Variants in IGF1R observed in about 807,000 individuals in gnomAD.
IGF1R encodes the protein insulin-like growth factor 1 receptor.
IGF1R carries 44 observed loss-of-function variants against 144.6 expected under a neutral mutation model. The ratio of observed to expected loss-of-function variants is 0.30; its 90% CI spans 0.24 to 0.39. The LOEUF (loss-of-function observed/expected upper bound fraction) is 0.39, where lower values mean the gene tolerates loss of function less well. IGF1R is among the 10% of genes least tolerant of loss of function. IGF1R has a pLI of 1.00. For missense variants in IGF1R, 1,355 were observed against 1,833.7 expected (o/e 0.74, Z 4.77); for synonymous variants, 795 against 722.8 (o/e 1.10, Z -1.60).
At chr15:98,701,806 A>C (rs2053739876) in intron 1 of IGF1R, among the ~76,000 whole-genome samples, 2 of 152,196 alleles carry the variant, frequency 1.3e-5, no homozygotes, top group African/African-American at 4.8e-5. Context: ...ACATTGGGGC[A>C]ACAAAATAGA....
At chr15:98,791,437 C>G (rs538368927) in intron 2 of IGF1R, among the ~76,000 whole-genome samples, 1 of 152,100 alleles carries the variant, frequency 6.6e-6, no homozygotes. Context: ...GATTGGTGAT[C>G]TGTTCACATA....
chr15:98,676,940 T>C (rs757359905), intron 1 of IGF1R, among the ~76,000 whole-genome samples: 94 of 152,086 alleles, frequency 6.2e-4, no homozygotes, highest in Non-Finnish European at 1.1e-3. Flanking sequence ...AAAAAAAATT[T>C]TTTTTTCATT....
At position 98,935,172 on chromosome 15, in the gene IGF1R, G is replaced by T; in HGVS notation, c.3186+119G>T. On this transcript the variant is annotated intron_variant, in intron 16 of 20. Coordinates refer to ENST00000650285, the MANE Select transcript of IGF1R (RefSeq NM_000875.5). This position sits in a 1 kb window ranked among gnomAD's most constrained non-coding sequence, Gnocchi z 4.2. ...TTTGGTGTCTTGCCTTTGCCTTCTG[G>T]ATAGTTACCCCATTACCTCACTGCT... The T allele has an allele frequency of 1.0e-6, 1 of 991,940 alleles. No homozygotes were observed. Among genetic ancestry groups the T allele is most frequent in the Non-Finnish European group, 1.6e-6 (1 of 636,222 alleles). 61.4% of individuals were successfully genotyped at this position (991,940 alleles called of 1,614,324 possible). A position where few individuals can be genotyped will look rare whatever the true frequency, so the allele number is the denominator to read the frequency against.
intron 2 of IGF1R, among the ~76,000 whole-genome samples, chr15:98,776,448 A>G (rs1483694524): frequency 1.3e-5 from 2 of 152,190 alleles, no homozygotes; most frequent in African/African-American, 2.4e-5. Context: ...GGCCTCCCAA[A>G]GTGCTGGGAT....
intron 2 of IGF1R, among the ~76,000 whole-genome samples, chr15:98,821,429 A>T (rs2056800540): frequency 6.6e-6 from 1 of 152,196 alleles, no homozygotes; most frequent in Admixed American, 6.5e-5. Context: ...AATTTAGAAG[A>T]GTAAAACAGA....
chr15:98,713,849 C>T (rs1164721175), intron 2 of IGF1R, among the ~76,000 whole-genome samples: 3 of 152,194 alleles, frequency 2.0e-5, no homozygotes, highest in Non-Finnish European at 4.4e-5. Flanking sequence ...TTGGGATGAA[C>T]AGCCTGTGGT....
intron 2 of IGF1R, among the ~76,000 whole-genome samples, chr15:98,800,230 G>A (rs1490431731): frequency 8.0e-6 from 1 of 125,758 alleles, no homozygotes; most frequent in Non-Finnish European, 1.9e-5. Context: ...AAGGGTGTGG[G>A]CGAGGGAGAC....
chr15:98,794,227 G>T (rs570995551), intron 2 of IGF1R, among the ~76,000 whole-genome samples: 1 of 152,162 alleles, frequency 6.6e-6, no homozygotes, highest in Non-Finnish European at 1.5e-5. Flanking sequence ...TTTTGGATTC[G>T]TGGCCATAGT....
chr15:98,681,772 A>G (rs2053195909), intron 1 of IGF1R, among the ~76,000 whole-genome samples: 1 of 152,186 alleles, frequency 6.6e-6, no homozygotes, highest in Non-Finnish European at 1.5e-5. Context: ...AAATCTGTTA[A>G]TATCTCTGCT....
chr15:98,655,491 GT>G (rs1429814189), intron 1 of IGF1R, among the ~76,000 whole-genome samples: 1 of 151,716 alleles, frequency 6.6e-6, no homozygotes, highest in East Asian at 1.9e-4. Context: ...AGAAATAGTC[GT>G]TTTCCCTCCC....
At chr15:98,650,820 C>T (rs568142631) in intron 1 of IGF1R, 2 of 773,126 alleles carry the variant, frequency 2.6e-6, no homozygotes, top group East Asian at 1.3e-4. Flanking sequence ...AGTTAATAAG[C>T]AGTGTCGCTC....
At chr15:98,763,400 T>C (rs930053639) in intron 2 of IGF1R, among the ~76,000 whole-genome samples, 12 of 152,178 alleles carry the variant, frequency 7.9e-5, no homozygotes, top group African/African-American at 2.4e-4. Flanking sequence ...CTTAGTTTGT[T>C]TGCTTGTTTG....
chr15:98,677,286 G>T (rs988086811), intron 1 of IGF1R, among the ~76,000 whole-genome samples: 1 of 152,074 alleles, frequency 6.6e-6, no homozygotes, highest in Non-Finnish European at 1.5e-5. Context: ...GAAAGCTCTG[G>T]TATTTTCTGT....
chr15:98,963,338 A>C lies in IGF1R; in HGVS notation c.*5896A>C. 1 of 233,118 alleles carries C rather than the reference A, an allele frequency of 4.3e-6. No homozygotes were observed. Among genetic ancestry groups the C allele is most frequent in the Non-Finnish European group, 8.5e-6 (1 of 118,000 alleles). The allele number at this position is 233,118 out of a possible 1,614,324, so 14.4% of individuals were successfully genotyped here. ...CCCCCCATGCTTTTTGCCCTAGTTT[A>C]TAACAAAGGAATGATGATGATTTAA... is the stretch of plus-strand genomic sequence containing the variant. On this transcript the variant is annotated 3_prime_UTR_variant, in exon 21 of 21. Coordinates refer to ENST00000650285, the MANE Select transcript of IGF1R (RefSeq NM_000875.5).
In IGF1R at chr15:98,803,227, T is replaced by G. The variant is rs905683650; in HGVS notation, c.641-88098T>G. Among the ~76,000 whole-genome samples, 4 of 152,226 alleles carry G rather than the reference T, an allele frequency of 2.6e-5. No homozygotes were observed. The South Asian group carries it at 8.3e-4, about 32-fold the overall frequency. ...GGTCCATGGTATAGCCTGTTGCTCG[T>G]AGGCTGCAAACCCGTGGAGCATGTT... is the stretch of plus-strand genomic sequence containing the variant. On this transcript the variant is annotated intron_variant, in intron 2 of 20. Transcript: ENST00000650285.
chr15:98,655,077 T>C (rs2052452863), intron 1 of IGF1R, among the ~76,000 whole-genome samples: 1 of 152,174 alleles, frequency 6.6e-6, no homozygotes, highest in African/African-American at 2.4e-5. Flanking sequence ...AACTTTGATA[T>C]ATGTACACAT....
chr15:98,861,969 A>G (rs540698267), intron 2 of IGF1R, among the ~76,000 whole-genome samples: 8 of 152,354 alleles, frequency 5.3e-5, no homozygotes, highest in African/African-American at 1.4e-4. Flanking sequence ...TTATTCCCCA[A>G]TGAGGATCAT....
intron 1 of IGF1R, among the ~76,000 whole-genome samples, chr15:98,702,093 G>A (rs1327617343): frequency 7.4e-6 from 1 of 136,032 alleles, no homozygotes; most frequent in Admixed American, 8.2e-5. Flanking sequence ...ATAATTTACA[G>A]TTCTCGTGTA....
chr15:98,846,489 C>G (rs2011332615), intron 2 of IGF1R, among the ~76,000 whole-genome samples: 1 of 152,200 alleles, frequency 6.6e-6, no homozygotes, highest in Non-Finnish European at 1.5e-5. Flanking sequence ...AATTTAAGTA[C>G]AGGAAAAGTT....
Sources: gnomAD v4.1 joint callset for allele counts (sites outside exome capture counted in the v4.1 genomes callset) on GRCh38, gnomAD v4.1.1 for gene constraint, Gnocchi (gnomAD v3.1) non-coding constraint, MANE v1.5 for transcripts, NCBI Gene and HGNC (gene_info 2026-07-23, HGNC 2026-07-21) for gene names.